Variants in FOXP1 observed in about 807,000 individuals in gnomAD.
FOXP1 encodes forkhead box P1.
Under a neutral mutation model 98.2 loss-of-function variants are expected in FOXP1, and 15 were observed. That is an observed-to-expected ratio of 0.15 (90% CI 0.10 to 0.24). FOXP1 has a LOEUF of 0.24. Ranked by LOEUF, FOXP1 falls within the 10% of genes least tolerant of loss-of-function variation. The pLI, the probability that FOXP1 is intolerant of heterozygous loss-of-function variation, is 1.00. For synonymous variants in FOXP1, 371 were observed against 314.5 expected (o/e 1.18, Z -1.90); for missense variants, 633 against 848.5 (o/e 0.75, Z 3.15).
intron 2 of FOXP1, among the ~76,000 whole-genome samples, chr3:71,545,269 C>G (rs181146042): frequency 6.6e-6 from 1 of 152,298 alleles, no homozygotes; most frequent in African/African-American, 2.4e-5. Context: ...GGGTAAGTCA[C>G]AGTTTGTCTG....
chr3:71,076,534 C>T (rs1177349637), intron 7 of FOXP1, among the ~76,000 whole-genome samples: 1 of 152,152 alleles, frequency 6.6e-6, no homozygotes, highest in Non-Finnish European at 1.5e-5. Flanking sequence ...ACTGGAATGG[C>T]ACGTGCCAAC....
At chr3:71,446,220 T>C (rs968695939) in intron 3 of FOXP1, among the ~76,000 whole-genome samples, 2 of 152,172 alleles carry the variant, frequency 1.3e-5, no homozygotes, top group African/African-American at 4.8e-5. Context: ...TAAAAGCTGC[T>C]GTCACTTGTG....
chr3:71,302,012 A>G (rs2073885095), intron 4 of FOXP1, among the ~76,000 whole-genome samples: 1 of 152,232 alleles, frequency 6.6e-6, no homozygotes, highest in South Asian at 2.1e-4. Flanking sequence ...TTTAATTTTC[A>G]CTTATACATA....
At chr3:71,496,216 T>A (rs1182037102) in intron 2 of FOXP1, among the ~76,000 whole-genome samples, 1 of 152,178 alleles carries the variant, frequency 6.6e-6, no homozygotes, top group African/African-American at 2.4e-5. Context: ...AGTTTTATGA[T>A]TCCAGAGTGA....
intron 3 of FOXP1, among the ~76,000 whole-genome samples, chr3:71,390,024 C>T (rs2080912905): frequency 1.3e-5 from 2 of 152,214 alleles, no homozygotes; most frequent in South Asian, 2.1e-4. Context: ...AACTCAAATA[C>T]TATTTGCTTT....
At chr3:70,982,803 C>T (rs2039093118) in intron 14 of FOXP1, among the ~76,000 whole-genome samples, 1 of 151,918 alleles carries the variant, frequency 6.6e-6, no homozygotes, top group Admixed American at 6.6e-5. Flanking sequence ...TGATGTAAAC[C>T]CCTGACAGAA....
At chr3:71,583,834 G>C, upstream of FOXP1, 3 of 987,536 alleles carry the variant, frequency 3.0e-6, no homozygotes, top group South Asian at 1.4e-4. Flanking sequence ...GCAGAGGCGC[G>C]GGCAGCACCG....
At chr3:71,424,850 A>G (rs915924926) in intron 3 of FOXP1, among the ~76,000 whole-genome samples, 1 of 152,168 alleles carries the variant, frequency 6.6e-6, no homozygotes, top group African/African-American at 2.4e-5. Context: ...GAAGCCAAAC[A>G]CTTTCATGAA....
chr3:71,182,263 T>C (rs188082787), intron 6 of FOXP1, among the ~76,000 whole-genome samples: 19 of 152,220 alleles, frequency 1.2e-4, no homozygotes, highest in Non-Finnish European at 2.4e-4. Context: ...AAAGACATTA[T>C]GGGAGAAAAT....
chr3:71,113,324 AT>A (rs1372511136), intron 6 of FOXP1, among the ~76,000 whole-genome samples: 3 of 152,316 alleles, frequency 2.0e-5, no homozygotes. Flanking sequence ...ACAATATGGG[AT>A]GGTTTCTCCT....
chr3:71,524,219 C>T (rs746021575), intron 2 of FOXP1, among the ~76,000 whole-genome samples: 14 of 152,036 alleles, frequency 9.2e-5, no homozygotes, highest in African/African-American at 3.4e-4. Flanking sequence ...CAAAATTCAG[C>T]CGGGCATGGT....
chr3:71,313,058 T>C (rs13324618), intron 4 of FOXP1, among the ~76,000 whole-genome samples: 3,460 of 86,790 alleles, frequency 0.04, 154 homozygotes, highest in African/African-American at 0.14. Flanking sequence ...ACTTTAATTC[T>C]TTTTTTTTTT....
chr3:71,277,213 C>T (rs916131252), intron 5 of FOXP1, among the ~76,000 whole-genome samples: 2 of 151,490 alleles, frequency 1.3e-5, no homozygotes, highest in Non-Finnish European at 2.9e-5. Context: ...CCGACTCAGC[C>T]TTCCAAAGTG....
At chr3:71,519,621 G>A (rs1322928162) in intron 2 of FOXP1, among the ~76,000 whole-genome samples, 1 of 152,168 alleles carries the variant, frequency 6.6e-6, no homozygotes, top group African/African-American at 2.4e-5. Context: ...ATTTACCTAA[G>A]TTGGGGTCAC....
intron 6 of FOXP1, among the ~76,000 whole-genome samples, chr3:71,179,745 G>C (rs1252510808): frequency 6.6e-6 from 1 of 152,046 alleles, no homozygotes; most frequent in Non-Finnish European, 1.5e-5. Flanking sequence ...GGGAAAACAG[G>C]GTATCCACTG....
chr3:71,053,622 G>A lies in FOXP1; in HGVS notation c.420+14C>T. 1 of 1,613,988 alleles carries A rather than the reference G, an allele frequency of 6.2e-7. No individual in the cohort carries two copies. The highest frequency in any genetic ancestry group is 8.5e-7 in the Non-Finnish European group (1 of 1,179,944). On this transcript the variant is annotated intron_variant, in intron 8 of 20. Coordinates refer to ENST00000649528, the MANE Select transcript of FOXP1 (RefSeq NM_001349338.3). ...CTGGGGGAGACAGGCTGGAGGTGGA[G>A]GAAGGACAATTACCTGTTGAAGCAT...
intron 3 of FOXP1, among the ~76,000 whole-genome samples, chr3:71,418,555 G>A (rs906496679): frequency 6.6e-6 from 1 of 152,184 alleles, no homozygotes; most frequent in Non-Finnish European, 1.5e-5. Flanking sequence ...ATTCTGAAGT[G>A]TTAAAAGCGG....
chr3:71,476,734 C>T (rs1442690439), intron 3 of FOXP1, among the ~76,000 whole-genome samples: 1 of 150,246 alleles, frequency 6.7e-6, no homozygotes, highest in African/African-American at 2.5e-5. Context: ...AAACTCCTGG[C>T]GTCACGTGAT....
chr3:71,265,638 G>A (rs958451860), intron 5 of FOXP1, among the ~76,000 whole-genome samples: 5 of 152,138 alleles, frequency 3.3e-5, no homozygotes, highest in Non-Finnish European at 5.9e-5. Flanking sequence ...GCAACACGGC[G>A]GAAAATGTGC....
Sources: gnomAD v4.1 joint callset for allele counts (sites outside exome capture counted in the v4.1 genomes callset) on GRCh38, gnomAD v4.1.1 for gene constraint, MANE v1.5 for transcripts, NCBI Gene and HGNC (gene_info 2026-07-23, HGNC 2026-07-21) for gene names.